GFRAL: variants seen among roughly 807,000 people sequenced by gnomAD.
The protein encoded by GFRAL is GDNF family receptor alpha like, also known as GDNF family receptor alpha-like.
In GFRAL, 36 loss-of-function variants were observed where a neutral mutation model predicts 45.4. That is an observed-to-expected ratio of 0.79 (90% CI 0.61 to 1.05). The LOEUF is 1.05. Ranked by LOEUF, GFRAL falls within the 50% of genes least tolerant of loss-of-function variation. The pLI is 0.00. For synonymous variants in GFRAL, 166 were observed against 154.1 expected (o/e 1.08, Z -0.57); for missense variants, 507 against 467.5 (o/e 1.08, Z -0.78).
At chr6:55,347,519 A>G (rs552390868) in intron 3 of GFRAL, among the ~76,000 whole-genome samples, 4 of 152,244 alleles carry the variant, frequency 2.6e-5, no homozygotes, top group African/African-American at 9.6e-5. Context: ...ATATCAGGGC[A>G]AGACTTTGAG....
chr6:55,364,823 G>A (rs1581913865), intron 6 of GFRAL, among the ~76,000 whole-genome samples: 1 of 152,070 alleles, frequency 6.6e-6, no homozygotes, highest in East Asian at 1.9e-4. Flanking sequence ...CCAGTACCAT[G>A]CTGTTTTGGT....
In GFRAL at chr6:55,399,461, A is replaced by G. The variant is rs781318787; in HGVS notation, c.1121+20A>G. The G allele has an allele frequency of 2.6e-6, 4 of 1,521,120 alleles. No homozygotes were observed. The highest frequency in any genetic ancestry group is 3.7e-6 in the Non-Finnish European group (4 of 1,095,384). The allele number at this position is 1,521,120 out of a possible 1,614,324, so 94.2% of individuals were successfully genotyped here. On this transcript the variant is annotated intron_variant, in intron 8 of 8. Coordinates refer to ENST00000340465, the MANE Select transcript of GFRAL (RefSeq NM_207410.2). ...GCTTAGGTAACTGAATATAAATTAG[A>G]AGGAAAGGTCTGAAAGGGAGTCACT...
intron 3 of GFRAL, among the ~76,000 whole-genome samples, chr6:55,334,651 A>C (rs1384852230): frequency 6.7e-6 from 1 of 150,032 alleles, no homozygotes; most frequent in East Asian, 2.0e-4. Context: ...ACTTTACAAG[A>C]GGTAGATTTA....
At chr6:55,384,117 T>C (rs187175893) in intron 6 of GFRAL, among the ~76,000 whole-genome samples, 1 of 152,062 alleles carries the variant, frequency 6.6e-6, no homozygotes, top group African/African-American at 2.4e-5. Context: ...CACTGGGGCC[T>C]GTTGGGGGGT....
At chr6:55,349,782 C>A (rs1465025952) in intron 3 of GFRAL, among the ~76,000 whole-genome samples, 1 of 149,792 alleles carries the variant, frequency 6.7e-6, no homozygotes, top group Non-Finnish European at 1.5e-5. Context: ...TTTTTTTTCC[C>A]CAGTCAGCAT....
chr6:55,386,965 G>A (rs950788058), intron 6 of GFRAL, among the ~76,000 whole-genome samples: 3 of 152,090 alleles, frequency 2.0e-5, no homozygotes, highest in South Asian at 2.1e-4. Context: ...ACAGGAGAAC[G>A]GCTGTCTTCT....
intron 6 of GFRAL, among the ~76,000 whole-genome samples, chr6:55,387,617 A>G (rs1230490169): frequency 2.0e-5 from 3 of 152,186 alleles, no homozygotes; most frequent in Admixed American, 6.5e-5. Context: ...GTACTTAGAC[A>G]AATAAAGCTC....
chr6:55,360,383 GATCTATATCTACATCTAT>G (rs1435844054), intron 6 of GFRAL, among the ~76,000 whole-genome samples: 1 of 149,712 alleles, frequency 6.7e-6, no homozygotes, highest in African/African-American at 2.5e-5. Flanking sequence ...GACAGACATA[GATCTATATCTACATCTAT>G]ATCTATATCT....
At chr6:55,368,620 G>T (rs567311583) in intron 6 of GFRAL, among the ~76,000 whole-genome samples, 3 of 152,120 alleles carry the variant, frequency 2.0e-5, no homozygotes, top group African/African-American at 4.8e-5. Context: ...ATGGGTTTTT[G>T]GTGTGGATGT....
intron 6 of GFRAL, among the ~76,000 whole-genome samples, chr6:55,392,404 T>C (rs1437083682): frequency 6.6e-6 from 1 of 152,220 alleles, no homozygotes; most frequent in Non-Finnish European, 1.5e-5. Flanking sequence ...ATATGGTGCT[T>C]TTCATCACAT....
intron 3 of GFRAL, among the ~76,000 whole-genome samples, chr6:55,344,319 A>G (rs909591464): frequency 2.0e-5 from 3 of 152,212 alleles, no homozygotes; most frequent in African/African-American, 7.2e-5. Flanking sequence ...ATCCAGCAGC[A>G]CATCAAAAAG....
At chr6:55,345,776 A>C (rs1193724880) in intron 3 of GFRAL, among the ~76,000 whole-genome samples, 1 of 152,178 alleles carries the variant, frequency 6.6e-6, no homozygotes, top group East Asian at 1.9e-4. Context: ...AATGGGAGAA[A>C]ATTTTTGCAA....
chr6:55,378,615 GC>G (rs1768565447), intron 6 of GFRAL, among the ~76,000 whole-genome samples: 2 of 151,910 alleles, frequency 1.3e-5, no homozygotes, highest in Admixed American at 1.3e-4. Context: ...AGAAAAATTT[GC>G]CCACGTCTTG....
intron 1 of GFRAL, among the ~76,000 whole-genome samples, chr6:55,329,275 C>G (rs1452375208): frequency 6.6e-6 from 1 of 151,862 alleles, no homozygotes; most frequent in Non-Finnish European, 1.5e-5. Context: ...TATTAAGAAG[C>G]TTGTTCAACC....
intron 1 of GFRAL, among the ~76,000 whole-genome samples, chr6:55,331,097 G>T (rs759803465): frequency 6.6e-6 from 1 of 152,188 alleles, no homozygotes; most frequent in South Asian, 2.1e-4. Flanking sequence ...GAAATACTGA[G>T]ATTAAATTAT....
chr6:55,352,990 A>G (rs1768139486), intron 5 of GFRAL, among the ~76,000 whole-genome samples: 1 of 152,070 alleles, frequency 6.6e-6, no homozygotes, highest in Non-Finnish European at 1.5e-5. Context: ...CACTAGGCAA[A>G]CAGTAGATAC....
At chr6:55,342,741 A>C (rs1027808416) in intron 3 of GFRAL, among the ~76,000 whole-genome samples, 2 of 151,936 alleles carry the variant, frequency 1.3e-5, no homozygotes, top group African/African-American at 2.4e-5. Flanking sequence ...CAAATTGGAT[A>C]AAGAGTCAAG....
intron 6 of GFRAL, among the ~76,000 whole-genome samples, chr6:55,369,050 G>A (rs556909444): frequency 2.0e-5 from 3 of 151,424 alleles, no homozygotes; most frequent in Admixed American, 6.6e-5. Flanking sequence ...CCTGGCTGCT[G>A]CCTTGCAGTT....
At chr6:55,363,809 T>A (rs1768314394) in intron 6 of GFRAL, among the ~76,000 whole-genome samples, 1 of 151,696 alleles carries the variant, frequency 6.6e-6, no homozygotes, top group South Asian at 2.1e-4. Context: ...GGTGCATATG[T>A]GCCACATTTT....
Sources: gnomAD v4.1 joint callset for allele counts (sites outside exome capture counted in the v4.1 genomes callset) on GRCh38, gnomAD v4.1.1 for gene constraint, MANE v1.5 for transcripts, NCBI Gene and HGNC (gene_info 2026-07-23, HGNC 2026-07-21) for gene names.